Variants in DPP10 observed in about 807,000 individuals in gnomAD.
DPP10 encodes the protein inactive dipeptidyl peptidase 10.
A neutral mutation model predicts 120.9 loss-of-function variants in DPP10; 33 were observed. The observed-to-expected ratio is 0.27, with a 90% CI of 0.21 to 0.37. DPP10 has a LOEUF of 0.37. DPP10 is among the 10% of genes least tolerant of loss of function. DPP10 has a pLI of 1.00. For missense variants in DPP10, 816 were observed against 942.8 expected, an observed-to-expected ratio of 0.87 and a Z score of 1.76; for synonymous variants, 337 against 326.1, an observed-to-expected ratio of 1.03 and a Z score of -0.36.
At chr2:115,332,045 A>T (rs773078615) in intron 2 of DPP10, among the ~76,000 whole-genome samples, 3 of 152,070 alleles carry the variant, frequency 2.0e-5, no homozygotes, top group African/African-American at 7.2e-5. Context: ...CTGTGAATCC[A>T]TCTGGTCCTG....
chr2:115,568,008 T>A (rs901416075), intron 5 of DPP10, among the ~76,000 whole-genome samples: 11 of 151,928 alleles, frequency 7.2e-5, no homozygotes, highest in Non-Finnish European at 1.6e-4. Flanking sequence ...AAACCCAGTC[T>A]GTACAAAAAA....
At chr2:115,287,595 C>A (rs1207105084) in intron 1 of DPP10, among the ~76,000 whole-genome samples, 1 of 152,066 alleles carries the variant, frequency 6.6e-6, no homozygotes, top group Non-Finnish European at 1.5e-5. Flanking sequence ...GCCTCCAGTT[C>A]TACTCAAGTT....
chr2:114,659,608 T>G (rs895293495), intron 1 of DPP10, among the ~76,000 whole-genome samples: 1 of 152,164 alleles, frequency 6.6e-6, no homozygotes, highest in African/African-American at 2.4e-5. Context: ...TGCAGAAATG[T>G]GCCCTTTATT....
intron 19 of DPP10, among the ~76,000 whole-genome samples, chr2:115,806,397 T>C (rs1685977229): frequency 6.6e-6 from 1 of 152,230 alleles, no homozygotes; most frequent in Non-Finnish European, 1.5e-5. Context: ...CTGCTTATAC[T>C]TAGTACTATA....
intron 1 of DPP10, among the ~76,000 whole-genome samples, chr2:115,076,700 C>T (rs1028426627): frequency 1.3e-5 from 2 of 152,136 alleles, no homozygotes; most frequent in African/African-American, 4.8e-5. Context: ...AGTTCTACAT[C>T]ATATTATTCC....
intron 3 of DPP10, among the ~76,000 whole-genome samples, chr2:115,466,895 C>T (rs1289244469): frequency 1.3e-5 from 2 of 152,070 alleles, no homozygotes; most frequent in Non-Finnish European, 2.9e-5. Context: ...TATATGTAAA[C>T]CACCTGGCAC....
chr2:115,016,073 AGCATCACGCTTCC>A (rs1573313311), intron 1 of DPP10, among the ~76,000 whole-genome samples: 1 of 152,244 alleles, frequency 6.6e-6, no homozygotes, highest in East Asian at 1.9e-4. Flanking sequence ...CAAGGCTGGA[AGCATCACGCTTCC>A]TGACTTCAAA....
chr2:114,574,332 C>A (rs1183395422), intron 1 of DPP10, among the ~76,000 whole-genome samples: 3 of 152,162 alleles, frequency 2.0e-5, no homozygotes, highest in African/African-American at 7.2e-5. Flanking sequence ...ATCTCCCTCT[C>A]TAGCAGGGTC....
intron 5 of DPP10, among the ~76,000 whole-genome samples, chr2:115,668,683 A>G (rs2089645854): frequency 6.6e-6 from 1 of 151,958 alleles, no homozygotes; most frequent in Non-Finnish European, 1.5e-5. Context: ...GTTTCTCTCG[A>G]TGTCTCATCC....
intron 3 of DPP10, among the ~76,000 whole-genome samples, chr2:115,404,941 T>G (rs1009390670): frequency 1.3e-5 from 2 of 152,214 alleles, no homozygotes; most frequent in Non-Finnish European, 2.9e-5. Context: ...TTGGGGAACA[T>G]GGTTCAACAT....
chr2:115,524,996 A>G (rs367932548), intron 4 of DPP10, among the ~76,000 whole-genome samples: 14 of 152,284 alleles, frequency 9.2e-5, no homozygotes, highest in African/African-American at 3.1e-4. Context: ...CAAAAACAAA[A>G]CAAAGAAACT....
chr2:115,279,487 G>T (rs2060053367), intron 1 of DPP10, among the ~76,000 whole-genome samples: 1 of 151,818 alleles, frequency 6.6e-6, no homozygotes, highest in Non-Finnish European at 1.5e-5. Context: ...GCTCCAGAAT[G>T]CAGTTCAGTT....
At position 115,163,211 on chromosome 2, in the gene DPP10, T is replaced by C. The variant is rs1481095194; in HGVS notation, c.61-146028T>C. Reference sequence around the variant, plus strand: ...CGCGTATTCTAAGCACTGAAGAGCCTCTTAAGGGGAGCTGTCCAAATCGCC... The same window carrying C: ...CGCGTATTCTAAGCACTGAAGAGCCCCTTAAGGGGAGCTGTCCAAATCGCC... On this transcript the variant is annotated intron_variant, in intron 1 of 25. Coordinates refer to ENST00000410059, the MANE Select transcript of DPP10 (RefSeq NM_020868.6). Among the ~76,000 whole-genome samples, 2 of 152,154 alleles carry C rather than the reference T, an allele frequency of 1.3e-5. 1 individual carries two copies. The highest frequency in any genetic ancestry group is 2.9e-5 in the Non-Finnish European group (2 of 68,036).
intron 1 of DPP10, among the ~76,000 whole-genome samples, chr2:115,199,114 CTTTTA>C (rs1441790019): frequency 1.3e-5 from 2 of 152,014 alleles, no homozygotes; most frequent in Non-Finnish European, 1.5e-5. Flanking sequence ...TCAGATATAA[CTTTTA>C]TTATATCATT....
intron 11 of DPP10, among the ~76,000 whole-genome samples, chr2:115,760,268 A>G (rs1679954926): frequency 6.6e-6 from 1 of 152,192 alleles, no homozygotes; most frequent in African/African-American, 2.4e-5. Flanking sequence ...GCTCAACAAT[A>G]TGAGCGAATC....
At chr2:115,329,100 T>C (rs993338179) in intron 2 of DPP10, among the ~76,000 whole-genome samples, 1 of 152,076 alleles carries the variant, frequency 6.6e-6, no homozygotes, top group African/African-American at 2.4e-5. Context: ...TCCTAAATAT[T>C]ATTTCTATAT....
intron 1 of DPP10, among the ~76,000 whole-genome samples, chr2:114,551,842 A>G (rs1414022676): frequency 6.6e-6 from 1 of 152,160 alleles, no homozygotes; most frequent in African/African-American, 2.4e-5. Context: ...TCTGATCTTA[A>G]GGTTATATTG....
At chr2:115,228,254 T>C (rs1028881441) in intron 1 of DPP10, among the ~76,000 whole-genome samples, 2 of 151,962 alleles carry the variant, frequency 1.3e-5, no homozygotes, top group African/African-American at 4.8e-5. Context: ...GCCCTATACA[T>C]GGGGTACAGG....
chr2:115,170,375 TGAG>T lies in DPP10; in HGVS notation c.61-138861_61-138859del, dbSNP rs568323543. Among the ~76,000 whole-genome samples, 330 of 152,260 alleles carry T rather than the reference TGAG, an allele frequency of 2.2e-3. 2 individuals carry two copies. The highest frequency in any genetic ancestry group is 7.6e-3 in the African/African-American group (316 of 41,558). On this transcript the variant is annotated intron_variant, in intron 1 of 25. Transcript: ENST00000410059. ...TCTCTCTTAGACACAGAATAGAAGA[TGAG>T]GAACTGAGACAATGTTTGAATAGAG...
Sources: allele counts gnomAD v4.1 joint callset (sites outside exome capture counted in the v4.1 genomes callset), GRCh38; gene constraint gnomAD v4.1.1; transcripts MANE v1.5; gene names NCBI Gene and HGNC (gene_info 2026-07-23, HGNC 2026-07-21).